Variants in KCNJ6 observed in about 807,000 individuals in gnomAD.
The protein encoded by KCNJ6 is G protein-activated inward rectifier potassium channel 2.
A neutral mutation model predicts 34.2 loss-of-function variants in KCNJ6; 9 were observed. The observed-to-expected ratio is 0.26, with a 90% CI of 0.16 to 0.46. The LOEUF is 0.46. Among genes scored for constraint, KCNJ6 ranks in the 20% least tolerant of loss-of-function variants. KCNJ6 has a pLI of 1.00. For missense variants in KCNJ6, 236 were observed against 531.3 expected (o/e 0.44, Z 5.46); for synonymous variants, 196 against 207.1 (o/e 0.95, Z 0.46).
At chr21:37,861,138 A>G (rs1258148239) in intron 1 of KCNJ6, among the ~76,000 whole-genome samples, 2 of 152,178 alleles carry the variant, frequency 1.3e-5, no homozygotes, top group Non-Finnish European at 2.9e-5. Context: ...TTTACTCATT[A>G]TTGCCCGACT....
At chr21:37,697,773 G>A (rs2054670195) in intron 3 of KCNJ6, among the ~76,000 whole-genome samples, 2 of 152,200 alleles carry the variant, frequency 1.3e-5, no homozygotes, top group Admixed American at 1.3e-4. Flanking sequence ...GCCTGAGAGA[G>A]GATAAGGTTG....
Position 37,616,615 on chromosome 21 carries a change from A to ATG in KCNJ6, c.*8542_*8543dup, listed in dbSNP as rs2054269072. 1.5e-5 allele frequency: 2 copies of ATG among 131,572 alleles called. No individual in the cohort carries two copies. Among genetic ancestry groups the ATG allele is most frequent in the African/African-American group, 5.9e-5 (2 of 33,928 alleles). 8.2% of individuals were successfully genotyped at this position (131,572 alleles called of 1,614,324 possible). Reference sequence around the variant, plus strand: ...CATATATATATATATATATATATATATGGTTAGACTCTGAACATATACGCT... The same window carrying ATG: ...CATATATATATATATATATATATATATGTGGTTAGACTCTGAACATATACGCT... On this transcript the variant is annotated 3_prime_UTR_variant, in exon 4 of 4. Transcript: ENST00000609713.
At chr21:37,677,803 C>CCCACCCACCCATCCATCCAT (rs2054573371) in intron 3 of KCNJ6, among the ~76,000 whole-genome samples, 1 of 26,716 alleles carries the variant, frequency 3.7e-5, no homozygotes, top group Non-Finnish European at 1.4e-4. Context: ...CACCTATCCA[C>CCCACCCACCCATCCATCCAT]CCACCCATCC....
chr21:37,631,588 G>C (rs1342677571), intron 3 of KCNJ6, among the ~76,000 whole-genome samples: 1 of 152,194 alleles, frequency 6.6e-6, no homozygotes, highest in Non-Finnish European at 1.5e-5. Flanking sequence ...GGAGAAGGGA[G>C]TCAAAACTTG....
chr21:37,734,289 T>G (rs971227704), intron 2 of KCNJ6, among the ~76,000 whole-genome samples: 2 of 152,192 alleles, frequency 1.3e-5, no homozygotes, highest in South Asian at 4.2e-4. Flanking sequence ...GGGGGAGGAA[T>G]TGAGGGGCTT....
intron 2 of KCNJ6, among the ~76,000 whole-genome samples, chr21:37,781,855 G>A (rs2055171038): frequency 1.3e-5 from 2 of 152,082 alleles, no homozygotes; most frequent in African/African-American, 4.8e-5. Flanking sequence ...AGAACAAATA[G>A]CTATCACCTG....
chr21:37,755,966 T>C (rs546614794), intron 2 of KCNJ6, among the ~76,000 whole-genome samples: 2 of 152,342 alleles, frequency 1.3e-5, no homozygotes, highest in South Asian at 4.1e-4. Flanking sequence ...TGGCTCGAAA[T>C]GCTCAGAGCT....
At chr21:37,797,597 T>C (rs2055249787) in intron 2 of KCNJ6, among the ~76,000 whole-genome samples, 1 of 152,040 alleles carries the variant, frequency 6.6e-6, no homozygotes, top group Non-Finnish European at 1.5e-5. Flanking sequence ...TTCCCGCCTG[T>C]GGTTTGCATT....
intron 1 of KCNJ6, among the ~76,000 whole-genome samples, chr21:37,911,296 T>A (rs2055865994): frequency 7.2e-6 from 1 of 138,934 alleles, no homozygotes; most frequent in Non-Finnish European, 1.5e-5. Flanking sequence ...CCAAATACTT[T>A]CACTAAAATT....
At chr21:37,668,799 TGA>T (rs1020586315) in intron 3 of KCNJ6, among the ~76,000 whole-genome samples, 11 of 152,192 alleles carry the variant, frequency 7.2e-5, no homozygotes, top group African/African-American at 2.7e-4. Context: ...AATTATATAC[TGA>T]CTCTAGTATA....
In KCNJ6 at chr21:37,761,649, A is replaced by G. The variant is rs533058904; in HGVS notation, c.26-46518T>C. On this transcript the variant is annotated intron_variant, in intron 2 of 3. Coordinates refer to ENST00000609713, the MANE Select transcript of KCNJ6 (RefSeq NM_002240.5). ...GTGTTGTGTGTTGTGTTGTGTGTGT[A>G]TATTTGTGTGTTGTATGTAGTTTGT... 7.1e-5 allele frequency among the ~76,000 whole-genome samples: 9 copies of G among 126,372 alleles called. No homozygotes were observed. The South Asian group carries it at 9.9e-4, about 14-fold the overall frequency. The allele number at this position is 126,372 out of a possible 152,430, so 82.9% of individuals were successfully genotyped here.
chr21:37,781,377 G>A (rs1057497554), intron 2 of KCNJ6, among the ~76,000 whole-genome samples: 2 of 152,128 alleles, frequency 1.3e-5, no homozygotes, highest in Admixed American at 6.5e-5. Flanking sequence ...GCCTGGCAGT[G>A]TTAGATTTAG....
At chr21:37,911,374 C>T (rs2123654405) in intron 1 of KCNJ6, among the ~76,000 whole-genome samples, 1 of 152,270 alleles carries the variant, frequency 6.6e-6, no homozygotes, top group Non-Finnish European at 1.5e-5. Context: ...TTCCCCCTTA[C>T]TGGTATTACC....
At chr21:37,668,627 C>G (rs2054527943) in intron 3 of KCNJ6, among the ~76,000 whole-genome samples, 2 of 152,178 alleles carry the variant, frequency 1.3e-5, no homozygotes, top group Non-Finnish European at 2.9e-5. Context: ...ACAGCAGCAT[C>G]CGGAGGCCTG....
intron 2 of KCNJ6, among the ~76,000 whole-genome samples, chr21:37,825,466 A>G (rs574773690): frequency 5.3e-5 from 8 of 152,192 alleles, no homozygotes; most frequent in Non-Finnish European, 1.0e-4. Flanking sequence ...GCAACATTTC[A>G]TATATACAAA....
rs1430185515 is a variant in KCNJ6, at chr21:37,617,048, C to CTTTCTTTCTTTCTTTCT, written c.*8110_*8111insAGAAAGAAAGAAAGAAA. 54 of 70,150 alleles carry CTTTCTTTCTTTCTTTCT rather than the reference C, an allele frequency of 7.7e-4. No homozygotes were observed. Among genetic ancestry groups the CTTTCTTTCTTTCTTTCT allele is most frequent in the African/African-American group, 2.7e-3 (53 of 19,690 alleles). The allele number at this position is 70,150 out of a possible 1,614,324, so 4.3% of individuals were successfully genotyped here. Reference sequence around the variant, plus strand: ...TCTTTCTTTCTTTCTTTCTTTCTTTCTTTCTTTTCTTTTCTTTTCTTTTCT... The same window carrying CTTTCTTTCTTTCTTTCT: ...TCTTTCTTTCTTTCTTTCTTTCTTTCTTTCTTTCTTTCTTTCTTTTCTTTTCTTTTCTTTTCTTTTCT... On this transcript the variant is annotated 3_prime_UTR_variant, in exon 4 of 4. Transcript: ENST00000609713.
At chr21:37,850,470 C>T (rs1462111731) in intron 1 of KCNJ6, among the ~76,000 whole-genome samples, 3 of 151,892 alleles carry the variant, frequency 2.0e-5, no homozygotes, top group Non-Finnish European at 4.4e-5. Context: ...TTTGAACTGC[C>T]CATGTGAGGG....
chr21:37,790,894 C>A (rs2055213586), intron 2 of KCNJ6, among the ~76,000 whole-genome samples: 1 of 152,234 alleles, frequency 6.6e-6, no homozygotes, highest in Non-Finnish European at 1.5e-5. Flanking sequence ...CCTCCCTGTT[C>A]AAAGTTTAAT....
intron 1 of KCNJ6, among the ~76,000 whole-genome samples, chr21:37,871,461 T>G (rs1202461598): frequency 2.0e-5 from 3 of 152,152 alleles, no homozygotes; most frequent in Non-Finnish European, 4.4e-5. Context: ...GGCAGAATGT[T>G]CAGGTGAAGG....
Sources: allele counts gnomAD v4.1 joint callset (sites outside exome capture counted in the v4.1 genomes callset), GRCh38; gene constraint gnomAD v4.1.1; transcripts MANE v1.5; gene names NCBI Gene and HGNC (gene_info 2026-07-23, HGNC 2026-07-21).